The following TDRD3 variants were observed in gnomAD, a reference collection of about 807,000 sequenced individuals.
TDRD3 encodes tudor domain-containing protein 3.
A neutral mutation model predicts 86.7 loss-of-function variants in TDRD3; 45 were observed. The ratio of observed to expected loss-of-function variants is 0.52; its 90% CI spans 0.41 to 0.67. TDRD3 has a LOEUF of 0.67. Among genes scored for constraint, TDRD3 ranks in the 30% least tolerant of loss-of-function variants. The pLI is 0.00. For synonymous variants in TDRD3, 298 were observed against 301.7 expected, an observed-to-expected ratio of 0.99 and a Z score of 0.13; for missense variants, 814 against 889.0, an observed-to-expected ratio of 0.92 and a Z score of 1.07.
At chr13:60,540,919 A>G (rs1473285331) in intron 12 of TDRD3, among the ~76,000 whole-genome samples, 2 of 152,124 alleles carry the variant, frequency 1.3e-5, no homozygotes, top group African/African-American at 4.8e-5. Context: ...GATATTACCT[A>G]ACACATGCCG....
intron 6 of TDRD3, among the ~76,000 whole-genome samples, 155 bp downstream of exon 6, chr13:60,484,001 T>C (rs963790259): frequency 2.3e-4 from 35 of 152,170 alleles, no homozygotes; most frequent in African/African-American, 8.2e-4. Context: ...TGAGGTTTTT[T>C]TCCTTCACTG....
chr13:60,488,588 A>G (rs969600285), intron 7 of TDRD3, among the ~76,000 whole-genome samples: 1 of 149,942 alleles, frequency 6.7e-6, no homozygotes, highest in Non-Finnish European at 1.5e-5. Flanking sequence ...GTTTTTTTTT[A>G]TTTTTGACAG....
At chr13:60,427,082 C>T (rs1273408026) in intron 1 of TDRD3, among the ~76,000 whole-genome samples, 2 of 152,148 alleles carry the variant, frequency 1.3e-5, no homozygotes, top group African/African-American at 2.4e-5. Flanking sequence ...GTATTTTAAT[C>T]TTAGAGGACC....
chr13:60,514,835 A>G (rs1957133674), intron 10 of TDRD3, among the ~76,000 whole-genome samples: 1 of 152,226 alleles, frequency 6.6e-6, no homozygotes, highest in Non-Finnish European at 1.5e-5. Flanking sequence ...TGCTTTAAGA[A>G]AAAATTTCCT....
rs1169467137 is a variant in TDRD3, at chr13:60,529,258, A to G, written c.1992+41A>G. Reference sequence around the variant, plus strand: ...AGATATTATACACTAATATTACGAAATGTAACATTCTAGTGGGACTTTATA... The same window carrying G: ...AGATATTATACACTAATATTACGAAGTGTAACATTCTAGTGGGACTTTATA... On this transcript the variant is annotated intron_variant, in intron 11 of 13. Transcript: ENST00000377881. 4 of 1,516,454 alleles carry G rather than the reference A, an allele frequency of 2.6e-6. No homozygotes were observed. In the African/African-American group the frequency reaches 5.6e-5, roughly 21 times the overall value. The allele number at this position is 1,516,454 out of a possible 1,614,324, so 93.9% of individuals were successfully genotyped here. A position where few individuals can be genotyped will look rare whatever the true frequency, so the allele number is the denominator to read the frequency against.
rs186411990 is a variant in TDRD3, at chr13:60,447,219, G to A, written c.192+2471G>A. On this transcript the variant is annotated intron_variant, in intron 3 of 13. Coordinates refer to ENST00000377881, the MANE Select transcript of TDRD3 (RefSeq NM_001146070.2). ...ACAATAGACTATTTCAAGAAGCAGAGGAGGCATGGTTGTGGCATGTTTCTG... is the reference window on the plus strand; with the variant it reads ...ACAATAGACTATTTCAAGAAGCAGAAGAGGCATGGTTGTGGCATGTTTCTG... Among the ~76,000 whole-genome samples, 324 of 152,264 alleles carry A rather than the reference G, an allele frequency of 2.1e-3. 3 individuals are homozygous for A. Among genetic ancestry groups the A allele is most frequent in the African/African-American group, 7.4e-3 (306 of 41,554 alleles).
In TDRD3 at chr13:60,397,259, T is replaced by G; in HGVS notation, c.-106T>G. 4 of 657,114 alleles carry G rather than the reference T, an allele frequency of 6.1e-6. No individual in the cohort carries two copies. Among genetic ancestry groups the G allele is most frequent in the Non-Finnish European group, 6.8e-6 (3 of 439,688 alleles). 40.7% of individuals were successfully genotyped at this position (657,114 alleles called of 1,614,324 possible). On this transcript the variant is annotated 5_prime_UTR_variant, in exon 1 of 14. Transcript: ENST00000377881. ...GTTGCAGAGCCGACCAGAGGAGTTT[T>G]TTCTTTTCTTTTCTTTTTTTTTTTT... is the stretch of plus-strand genomic sequence containing the variant.
chr13:60,467,469 C>A lies in TDRD3; in HGVS notation c.495+90C>A, dbSNP rs554115242. 1.6e-4 allele frequency: 224 copies of A among 1,441,294 alleles called. No individual in the cohort carries two copies. The South Asian group carries it at 2.6e-3, about 17-fold the overall frequency. 89.3% of individuals were successfully genotyped at this position (1,441,294 alleles called of 1,614,324 possible). On this transcript the variant is annotated intron_variant, in intron 5 of 13. Coordinates refer to ENST00000377881, the MANE Select transcript of TDRD3 (RefSeq NM_001146070.2). ...CTTTCAATAATGAGTAAAATTAGTT[C>A]TTTGTGTCGGAGTTGAATAGAATGG...
chr13:60,540,927 C>T (rs2137844405), intron 12 of TDRD3, among the ~76,000 whole-genome samples: 1 of 152,150 alleles, frequency 6.6e-6, no homozygotes, highest in African/African-American at 2.4e-5. Flanking sequence ...CTAACACATG[C>T]CGTCACTCTT....
chr13:60,492,248 G>C (rs1956604442), intron 7 of TDRD3, among the ~76,000 whole-genome samples: 1 of 152,176 alleles, frequency 6.6e-6, no homozygotes, highest in Admixed American at 6.5e-5. Context: ...TTGGAATTAG[G>C]GGATGTAAAT....
chr13:60,452,815 GTT>G (rs34514318), intron 3 of TDRD3, among the ~76,000 whole-genome samples: 16,377 of 144,744 alleles, frequency 0.11, 1,156 homozygotes, highest in African/African-American at 0.21. Context: ...ACTGTTCTTA[GTT>G]TTTTTTTTTT....
chr13:60,462,430 A>C (rs1334517849), intron 4 of TDRD3, among the ~76,000 whole-genome samples: 3 of 152,358 alleles, frequency 2.0e-5, no homozygotes, highest in East Asian at 3.9e-4. Context: ...TCATTGAAGC[A>C]GCATGCCTAC....
intron 4 of TDRD3, among the ~76,000 whole-genome samples, 169 bp from the exon 5 acceptor site, chr13:60,467,069 T>C (rs1659570219): frequency 6.6e-6 from 1 of 152,152 alleles, no homozygotes; most frequent in South Asian, 2.1e-4. Flanking sequence ...TTTCTGCACC[T>C]ATCAACCCAT....
chr13:60,491,504 C>G (rs1956587616), intron 7 of TDRD3, among the ~76,000 whole-genome samples: 1 of 152,094 alleles, frequency 6.6e-6, no homozygotes, highest in East Asian at 1.9e-4. Flanking sequence ...AGAAGTGGAA[C>G]CAGCCAAGGT....
intron 10 of TDRD3, among the ~76,000 whole-genome samples, chr13:60,515,791 C>T (rs1184852539): frequency 2.6e-5 from 4 of 152,062 alleles, no homozygotes; most frequent in African/African-American, 9.7e-5. Flanking sequence ...GAGTTAAAGC[C>T]CAGAGTAAAT....
chr13:60,397,414 C>G lies in TDRD3; in HGVS notation c.41+9C>G. ...TTGTCCCAGGCGGGTTGGTAAGTGG[C>G]GAGTCCCGCCGGCTGCCGGGCCGCG... On this transcript the variant is annotated intron_variant, in intron 1 of 13. Transcript: ENST00000377881. 6.7e-7 allele frequency: 1 copy of G among 1,485,832 alleles called. No individual in the cohort carries two copies. The highest frequency in any genetic ancestry group is 1.3e-5 in the South Asian group (1 of 79,064). The allele number at this position is 1,485,832 out of a possible 1,614,324, so 92.0% of individuals were successfully genotyped here.
chr13:60,489,793 T>C (rs1956539814), intron 7 of TDRD3, among the ~76,000 whole-genome samples: 1 of 152,170 alleles, frequency 6.6e-6, no homozygotes, highest in African/African-American at 2.4e-5. Flanking sequence ...GCATGAAATA[T>C]ATTTATTTTT....
Position 60,397,272 on chromosome 13 carries a change from CTTTT to C in TDRD3, c.-83_-80del. 4 of 461,968 alleles carry C rather than the reference CTTTT, an allele frequency of 8.7e-6. No homozygotes were observed. Among genetic ancestry groups the C allele is most frequent in the South Asian group, 4.1e-5 (1 of 24,400 alleles). 28.6% of individuals were successfully genotyped at this position (461,968 alleles called of 1,614,324 possible). A position where few individuals can be genotyped will look rare whatever the true frequency, so the allele number is the denominator to read the frequency against. On this transcript the variant is annotated 5_prime_UTR_variant, in exon 1 of 14. The change creates a premature stop within an existing upstream ORF in the 5' untranslated region. Transcript: ENST00000377881. ...CCAGAGGAGTTTTTTCTTTTCTTTT[CTTTT>C]TTTTTTTTTAAGGGGGGGGGTCTCA...
At chr13:60,534,614 A>G (rs1957658631) in intron 11 of TDRD3, among the ~76,000 whole-genome samples, 2 of 151,874 alleles carry the variant, frequency 1.3e-5, no homozygotes, top group Admixed American at 6.6e-5. Flanking sequence ...CTCTATAGTT[A>G]TATATTCTGA....
Sources: allele counts gnomAD v4.1 joint callset (sites outside exome capture counted in the v4.1 genomes callset), GRCh38; gene constraint gnomAD v4.1.1; transcripts MANE v1.5; gene names NCBI Gene and HGNC (gene_info 2026-07-23, HGNC 2026-07-21).